P2RY14: variants seen among roughly 807,000 people sequenced by gnomAD.
The protein encoded by P2RY14 is P2Y purinoceptor 14.
In P2RY14, 2 loss-of-function variants were observed where a neutral mutation model predicts 0.9. That is an observed-to-expected ratio of 2.16 (90% CI 0.88 to 6.79). P2RY14 has a LOEUF of 6.79. Ranked by LOEUF, P2RY14 falls within the 30% of genes most tolerant of loss-of-function variation. The pLI is 0.05. For missense variants in P2RY14, 378 were observed against 400.1 expected (o/e 0.94, Z 0.47); for synonymous variants, 158 against 147.2 (o/e 1.07, Z -0.53).
intron 1 of P2RY14, among the ~76,000 whole-genome samples, chr3:151,243,575 T>C (rs1452091747): frequency 6.6e-6 from 1 of 152,080 alleles, no homozygotes; most frequent in Non-Finnish European, 1.5e-5. Context: ...CTGAGAGATT[T>C]TGTCACCACC....
At chr3:151,214,415 G>T in intron 2 of P2RY14, 75 bp from the exon 3 acceptor site, 1 of 1,020,670 alleles carries the variant, frequency 9.8e-7, no homozygotes, top group Non-Finnish European at 1.4e-6. Context: ...ATAAGGCAAA[G>T]GGCAATGAAT....
At chr3:151,265,283 A>T (rs188023525) in intron 1 of P2RY14, among the ~76,000 whole-genome samples, 277 of 152,234 alleles carry the variant, frequency 1.8e-3, no homozygotes, top group Non-Finnish European at 3.1e-3. Flanking sequence ...ATGGAAACTG[A>T]GTAGATCTTT....
intron 1 of P2RY14, among the ~76,000 whole-genome samples, chr3:151,273,227 C>CTTTTTTTTT (rs63035061): frequency 1.9e-5 from 2 of 106,164 alleles, no homozygotes; most frequent in East Asian, 2.7e-4. Flanking sequence ...TTGTTGTGTT[C>CTTTTTTTTT]TTTTTTTTTT....
At chr3:151,225,153 A>G (rs572584213) in intron 1 of P2RY14, among the ~76,000 whole-genome samples, 4 of 152,192 alleles carry the variant, frequency 2.6e-5, no homozygotes, top group African/African-American at 9.6e-5. Flanking sequence ...TGGGTAAACA[A>G]TGTCCTATGT....
At chr3:151,226,751 T>G (rs1046688132) in intron 1 of P2RY14, among the ~76,000 whole-genome samples, 1 of 152,236 alleles carries the variant, frequency 6.6e-6, no homozygotes, top group African/African-American at 2.4e-5. Context: ...TACTGCGGCA[T>G]AGAGAACCTC....
intron 1 of P2RY14, among the ~76,000 whole-genome samples, chr3:151,259,935 G>C (rs1195790697): frequency 6.6e-6 from 1 of 152,154 alleles, no homozygotes; most frequent in Non-Finnish European, 1.5e-5. Flanking sequence ...TTCTAAGTTT[G>C]GAAACCAATC....
chr3:151,267,637 A>G (rs566828462), intron 1 of P2RY14, among the ~76,000 whole-genome samples: 12 of 152,320 alleles, frequency 7.9e-5, no homozygotes, highest in African/African-American at 2.9e-4. Flanking sequence ...GTTTCAGGCT[A>G]TAGAAAATGT....
At chr3:151,231,683 G>A (rs1376385562) in intron 1 of P2RY14, among the ~76,000 whole-genome samples, 2 of 152,156 alleles carry the variant, frequency 1.3e-5, no homozygotes, top group Non-Finnish European at 2.9e-5. Flanking sequence ...GTTAATGAGT[G>A]GTGATTGTTG....
At chr3:151,252,562 C>G (rs1737055114) in intron 1 of P2RY14, among the ~76,000 whole-genome samples, 1 of 152,052 alleles carries the variant, frequency 6.6e-6, no homozygotes. Flanking sequence ...GTGTTGCTTC[C>G]TTAATTTTCT....
At chr3:151,215,376 T>G (rs751045020) in intron 2 of P2RY14, among the ~76,000 whole-genome samples, 2 of 152,142 alleles carry the variant, frequency 1.3e-5, no homozygotes, top group African/African-American at 4.8e-5. Context: ...ATGTAAAATA[T>G]CTCAGTATTT....
At chr3:151,268,843 C>A (rs2149536651) in intron 1 of P2RY14, among the ~76,000 whole-genome samples, 1 of 152,288 alleles carries the variant, frequency 6.6e-6, no homozygotes, top group Non-Finnish European at 1.5e-5. Context: ...CACAAAGCTT[C>A]TAGAGGAAAA....
chr3:151,226,872 T>C (rs1356988516), intron 1 of P2RY14, among the ~76,000 whole-genome samples: 1 of 152,324 alleles, frequency 6.6e-6, no homozygotes, highest in African/African-American at 2.4e-5. Flanking sequence ...CGGACTATCA[T>C]GAATGGTGAT....
chr3:151,242,687 G>A lies in P2RY14; in HGVS notation c.-132-23045C>T, dbSNP rs185343939. On this transcript the variant is annotated intron_variant, in intron 1 of 2. Transcript: ENST00000309170. The stretch of plus-strand genomic sequence containing the variant: ...GGGGAAAAAACAGAACAGAAAAACT[G>A]GAAACTATAAAAAGAGAGCGCCTCT... Among the ~76,000 whole-genome samples the A allele has an allele frequency of 5.5e-3, 840 of 152,324 alleles. 31 individuals are homozygous for A. Among genetic ancestry groups the A allele is most frequent in the Admixed American group, 0.049 (751 of 15,298 alleles).
intron 1 of P2RY14, among the ~76,000 whole-genome samples, chr3:151,224,658 G>T (rs1039545965): frequency 6.6e-6 from 1 of 152,146 alleles, no homozygotes; most frequent in African/African-American, 2.4e-5. Context: ...CCCAGAAGAA[G>T]GAATCCTCCT....
intron 1 of P2RY14, among the ~76,000 whole-genome samples, chr3:151,277,641 A>C (rs184072866): frequency 4.6e-5 from 7 of 152,312 alleles, no homozygotes; most frequent in Admixed American, 2.0e-4. Flanking sequence ...TTTAATTTAT[A>C]ATGTTTAAAG....
intron 1 of P2RY14, among the ~76,000 whole-genome samples, chr3:151,232,608 T>C (rs1480364143): frequency 1.3e-5 from 2 of 152,122 alleles, no homozygotes; most frequent in Admixed American, 1.3e-4. Flanking sequence ...TATGCAGCCA[T>C]AAAAAAAGAA....
intron 1 of P2RY14, among the ~76,000 whole-genome samples, chr3:151,255,942 C>T (rs1737732075): frequency 6.6e-6 from 1 of 152,098 alleles, no homozygotes; most frequent in South Asian, 2.1e-4. Flanking sequence ...GTTTAAATCA[C>T]GTAAGGTGTA....
intron 1 of P2RY14, among the ~76,000 whole-genome samples, chr3:151,225,209 T>G (rs769903234): frequency 4.6e-5 from 7 of 152,172 alleles, no homozygotes; most frequent in Non-Finnish European, 1.0e-4. Flanking sequence ...TTCACAGAAG[T>G]TGCTGTTCTC....
chr3:151,233,337 CACAG>C (rs1469836528), intron 1 of P2RY14, among the ~76,000 whole-genome samples: 1 of 152,230 alleles, frequency 6.6e-6, no homozygotes, highest in African/African-American at 2.4e-5. Flanking sequence ...TTTTACCAAA[CACAG>C]ACAGTGTTAA....
Sources: allele counts gnomAD v4.1 joint callset (sites outside exome capture counted in the v4.1 genomes callset), GRCh38; gene constraint gnomAD v4.1.1; transcripts MANE v1.5; gene names NCBI Gene and HGNC (gene_info 2026-07-23, HGNC 2026-07-21).